The following ANKRD36B variants were observed in gnomAD, a reference collection of about 807,000 sequenced individuals.
ANKRD36B encodes the protein ankyrin repeat domain 36B.
A neutral mutation model predicts 135.7 loss-of-function variants in ANKRD36B; 37 were observed. That is an observed-to-expected ratio of 0.27 (90% CI 0.21 to 0.36). The LOEUF (loss-of-function observed/expected upper bound fraction) is 0.36. Among genes scored for constraint, ANKRD36B ranks in the 10% least tolerant of loss-of-function variants. ANKRD36B has a pLI of 1.00. For synonymous variants in ANKRD36B, 179 were observed against 348.1 expected, an observed-to-expected ratio of 0.51 and a Z score of 5.41; for missense variants, 549 against 1,037.1, an observed-to-expected ratio of 0.53 and a Z score of 6.46.
chr2:97,551,521 A>G (rs1157631257), intron 16 of ANKRD36B, 41 bp from the exon 17 acceptor site: 3 of 1,605,754 alleles, frequency 1.9e-6, no homozygotes, highest in East Asian at 2.2e-5. Flanking sequence ...ATATGTAACT[A>G]TGACAAAGTT....
chr2:97,552,349 T>C (rs1455782456), intron 16 of ANKRD36B, among the ~76,000 whole-genome samples: 2 of 151,976 alleles, frequency 1.3e-5, no homozygotes, highest in South Asian at 2.1e-4. Context: ...GGGAGTATCA[T>C]GTTAGTCTGT....
intron 1 of ANKRD36B, among the ~76,000 whole-genome samples, chr2:97,588,114 A>G (rs1186368070): frequency 6.6e-6 from 1 of 151,888 alleles, no homozygotes; most frequent in East Asian, 1.9e-4. Context: ...ACATGCATCA[A>G]TATAAGTAGG....
rs1453337678 is a variant in ANKRD36B, at chr2:97,528,199, C to G, written c.2265+4112G>C. On this transcript the variant is annotated intron_variant, in intron 35 of 43. Coordinates refer to ENST00000359901, the MANE Select transcript of ANKRD36B (RefSeq NM_001393939.1). ...GTAAAAGTACAGAAAGTATAACAAACTGTCTGTCAGACCACAGTGCAATCA... is the reference window on the plus strand; with the variant it reads ...GTAAAAGTACAGAAAGTATAACAAAGTGTCTGTCAGACCACAGTGCAATCA... 3.1e-5 allele frequency among the ~76,000 whole-genome samples: 3 copies of G among 96,550 alleles called. 1 individual carries two copies. Among genetic ancestry groups the G allele is most frequent in the East Asian group, 4.7e-4 (2 of 4,300 alleles). The allele number at this position is 96,550 out of a possible 152,430, so 63.3% of individuals were successfully genotyped here. A position where few individuals can be genotyped will look rare whatever the true frequency, so the allele number is the denominator to read the frequency against.
intron 6 of ANKRD36B, among the ~76,000 whole-genome samples, chr2:97,575,616 T>C (rs2082176398): frequency 8.1e-6 from 1 of 123,778 alleles, no homozygotes; most frequent in African/African-American, 2.7e-5. Context: ...TAGATCAACA[T>C]GGCCTCTTCA....
At chr2:97,547,889 A>G (rs2079632606) in intron 20 of ANKRD36B, among the ~76,000 whole-genome samples, 158 bp from the exon 21 acceptor site, 1 of 151,856 alleles carries the variant, frequency 6.6e-6, no homozygotes, top group Middle Eastern at 3.2e-3. Flanking sequence ...CATGACAGAA[A>G]TACGCTGAGA....
Position 97,535,220 on chromosome 2 carries a change from A to G in ANKRD36B, c.2191+1080T>C, listed in dbSNP as rs1340077657. ...AGAGGATGCTTAATAAGTACAAACTATAGTTAGAAACAATGAATAAAATGT... is the reference window on the plus strand; with the variant it reads ...AGAGGATGCTTAATAAGTACAAACTGTAGTTAGAAACAATGAATAAAATGT... On this transcript the variant is annotated intron_variant, in intron 34 of 43. Transcript: ENST00000359901. Among the ~76,000 whole-genome samples the G allele has an allele frequency of 4.9e-5, 5 of 101,456 alleles. 2 individuals carry two copies. Among genetic ancestry groups the G allele is most frequent in the African/African-American group, 1.4e-4 (5 of 35,782 alleles). 66.6% of individuals were successfully genotyped at this position (101,456 alleles called of 152,430 possible).
rs528773509 is a variant in ANKRD36B at position 97,533,621 on chromosome 2, T to A, written c.2192-1237A>T. 3.0e-4 allele frequency among the ~76,000 whole-genome samples: 29 copies of A among 96,408 alleles called. 11 individuals carry two copies. Among genetic ancestry groups the A allele is most frequent in the Non-Finnish European group, 6.1e-4 (22 of 36,304 alleles). 63.2% of individuals were successfully genotyped at this position (96,408 alleles called of 152,430 possible). ...ATTAATCAGCTTAGATAGACAGTTGTAGAATAAAAATTAATAAAACTATTC... is the reference window on the plus strand; with the variant it reads ...ATTAATCAGCTTAGATAGACAGTTGAAGAATAAAAATTAATAAAACTATTC... On this transcript the variant is annotated intron_variant, in intron 34 of 43. Coordinates refer to ENST00000359901, the MANE Select transcript of ANKRD36B (RefSeq NM_001393939.1).
At chr2:97,528,306 G>A (rs1279298118) in intron 35 of ANKRD36B, among the ~76,000 whole-genome samples, 2 of 94,052 alleles carry the variant, frequency 2.1e-5, no homozygotes, top group African/African-American at 6.4e-5. Context: ...AATGACTACT[G>A]GGTACATAAC....
intron 10 of ANKRD36B, among the ~76,000 whole-genome samples, chr2:97,558,002 A>G (rs1299078412): frequency 3.9e-5 from 6 of 151,986 alleles, no homozygotes; most frequent in African/African-American, 1.4e-4. Flanking sequence ...GGTATAAAAT[A>G]TCATGTTATT....
At chr2:97,559,034 TA>T (rs1486877499) in intron 8 of ANKRD36B, 40 bp from the exon 9 acceptor site, 1 of 1,601,754 alleles carries the variant, frequency 6.2e-7, no homozygotes, top group Non-Finnish European at 8.5e-7. Flanking sequence ...CACATGTACA[TA>T]TGATAAATTT....
intron 6 of ANKRD36B, 42 bp from the exon 7 acceptor site, chr2:97,560,902 T>A (rs760951327): frequency 6.6e-7 from 1 of 1,514,508 alleles, no homozygotes; most frequent in Admixed American, 1.9e-5. Context: ...TATGTAAATA[T>A]GATAATGTTA....
chr2:97,558,724 G>T, intron 10 of ANKRD36B, 75 bp downstream of exon 10: 1 of 1,595,692 alleles, frequency 6.3e-7, no homozygotes, highest in Non-Finnish European at 8.5e-7. Flanking sequence ...TGAATCCCCC[G>T]CTGATTTATT....
intron 6 of ANKRD36B, among the ~76,000 whole-genome samples, chr2:97,563,921 C>A (rs2442261): frequency 3.3e-5 from 5 of 152,078 alleles, no homozygotes; most frequent in African/African-American, 4.8e-5. Context: ...AATATGCTGC[C>A]ATCATCACAT....
At chr2:97,553,472 T>A in intron 14 of ANKRD36B, 101 bp from the exon 15 acceptor site, 1 of 1,374,890 alleles carries the variant, frequency 7.3e-7, no homozygotes, top group Non-Finnish European at 1.0e-6. Flanking sequence ...CCTGCCTGTA[T>A]TAGTGTAGGC....
At chr2:97,568,877 C>A (rs897656570) in intron 6 of ANKRD36B, among the ~76,000 whole-genome samples, 3 of 152,042 alleles carry the variant, frequency 2.0e-5, no homozygotes, top group African/African-American at 7.2e-5. Context: ...TGATGGAGAA[C>A]CTAGTTATAA....
At chr2:97,564,158 CT>C (rs963841426) in intron 6 of ANKRD36B, among the ~76,000 whole-genome samples, 14 of 151,462 alleles carry the variant, frequency 9.2e-5, no homozygotes, top group African/African-American at 2.7e-4. Flanking sequence ...ATTTCTTTTG[CT>C]TTTTTTAAAA....
rs1404088161 is a variant in ANKRD36B at position 97,535,129 on chromosome 2, C to A, written c.2191+1171G>T. 5.1e-5 allele frequency among the ~76,000 whole-genome samples: 5 copies of A among 97,428 alleles called. 1 individual carries two copies. Among genetic ancestry groups the A allele is most frequent in the African/African-American group, 1.5e-4 (5 of 33,946 alleles). The allele number at this position is 97,428 out of a possible 152,430, so 63.9% of individuals were successfully genotyped here. A position where few individuals can be genotyped will look rare whatever the true frequency, so the allele number is the denominator to read the frequency against. ...GGTGTGAGAAATTTAAAAAATAGAGCTCATGGAGATGAAGAGAAAAATCAC... is the reference window on the plus strand; with the variant it reads ...GGTGTGAGAAATTTAAAAAATAGAGATCATGGAGATGAAGAGAAAAATCAC... On this transcript the variant is annotated intron_variant, in intron 34 of 43. Transcript: ENST00000359901.
chr2:97,577,103 G>A (rs906329998), intron 5 of ANKRD36B, among the ~76,000 whole-genome samples: 2 of 151,118 alleles, frequency 1.3e-5, no homozygotes, highest in African/African-American at 4.9e-5. Context: ...ATTAAAATAG[G>A]TAACACGATT....
intron 6 of ANKRD36B, among the ~76,000 whole-genome samples, chr2:97,568,021 T>C (rs867592226): frequency 5.0e-4 from 76 of 152,292 alleles, no homozygotes; most frequent in African/African-American, 1.8e-3. Context: ...TAGTACATGA[T>C]ATTTTGTGAG....
Sources: allele counts gnomAD v4.1 joint callset (sites outside exome capture counted in the v4.1 genomes callset), GRCh38; gene constraint gnomAD v4.1.1; transcripts MANE v1.5; gene names NCBI Gene and HGNC (gene_info 2026-07-23, HGNC 2026-07-21).